URB1: variants seen among roughly 807,000 people sequenced by gnomAD.
URB1 encodes the protein URB1 ribosome biogenesis factor.
Under a neutral mutation model 242.3 loss-of-function variants are expected in URB1, and 197 were observed. That is an observed-to-expected ratio of 0.81 (90% CI 0.72 to 0.91). URB1 has a LOEUF of 0.91. Among genes scored for constraint, URB1 ranks in the 40% least tolerant of loss-of-function variants. The probability of loss-of-function intolerance (pLI) is 0.00; values close to 1 mark genes in which losing one functional copy is unlikely to be tolerated. For missense variants in URB1, 2,721 were observed against 2,860.5 expected, an observed-to-expected ratio of 0.95 and a Z score of 1.11; for synonymous variants, 1,153 against 1,201.8, an observed-to-expected ratio of 0.96 and a Z score of 0.84.
In URB1 at chr21:32,316,488, A is replaced by G; in HGVS notation, c.6612T>C (p.Ser2204=). Reference sequence around the variant, plus strand: ...TACCTTGTGTGGCTTCATCCTTCTCACTCAGAGAAGACAGGGAGAGGGCTT... The same window carrying G: ...TACCTTGTGTGGCTTCATCCTTCTCGCTCAGAGAAGACAGGGAGAGGGCTT... ...AMEALSLSSL[S]EKDEATQASA... is the part of the protein sequence containing the mutation. Residue 2204 remains serine (S), a synonymous_variant, in exon 38 of 39, where the codon AGT becomes AGC. Coordinates refer to ENST00000382751, the MANE Select transcript of URB1 (RefSeq NM_014825.3). 1 of 1,533,984 alleles carries G rather than the reference A, an allele frequency of 6.5e-7. No homozygotes were observed. The highest frequency in any genetic ancestry group is 8.8e-7 in the Non-Finnish European group (1 of 1,139,540).
chr21:32,346,495 T>C (rs1036851819), intron 22 of URB1, among the ~76,000 whole-genome samples: 15 of 152,136 alleles, frequency 9.9e-5, no homozygotes, highest in South Asian at 4.1e-4. Flanking sequence ...TTTGGGGTAA[T>C]TGAAAAGTGC....
intron 4 of URB1, among the ~76,000 whole-genome samples, chr21:32,382,703 G>A (rs1601158797): frequency 2.0e-5 from 3 of 152,208 alleles, no homozygotes; most frequent in East Asian, 1.9e-4. Context: ...TCCAGCAGGG[G>A]AGCTGATATG....
Position 32,312,494 on chromosome 21 carries a change from T to C in URB1, c.*2424A>G. 1 of 245,586 alleles carries C rather than the reference T, an allele frequency of 4.1e-6. No homozygotes were observed. The highest frequency in any genetic ancestry group is 7.4e-6 in the Non-Finnish European group (1 of 134,290). The allele number at this position is 245,586 out of a possible 1,614,324, so 15.2% of individuals were successfully genotyped here. On this transcript the variant is annotated 3_prime_UTR_variant, in exon 39 of 39. Coordinates refer to ENST00000382751, the MANE Select transcript of URB1 (RefSeq NM_014825.3). ...CTCACTGCAGTCTGGGGACCTGAGT[T>C]GCACCTTCAACCTCCCCACAGCCTT... is the stretch of plus-strand genomic sequence containing the variant.
chr21:32,336,573 G>A (rs2032962115), intron 28 of URB1, among the ~76,000 whole-genome samples: 1 of 152,168 alleles, frequency 6.6e-6, no homozygotes, highest in African/African-American at 2.4e-5. Context: ...ACTCAGCCCT[G>A]CAGGACCAAA....
rs1211102952 is a variant in URB1, at chr21:32,313,698, T to C, written c.*1220A>G. Reference sequence around the variant, plus strand: ...AAACCAAGGCATTGTCAGCACGATGTACATTATACGGCAGATAAAACAGCC... The same window carrying C: ...AAACCAAGGCATTGTCAGCACGATGCACATTATACGGCAGATAAAACAGCC... On this transcript the variant is annotated 3_prime_UTR_variant, in exon 39 of 39. Coordinates refer to ENST00000382751, the MANE Select transcript of URB1 (RefSeq NM_014825.3). 6.6e-6 allele frequency: 1 copy of C among 152,208 alleles called. No homozygotes were observed. The highest frequency in any genetic ancestry group is 1.5e-5 in the Non-Finnish European group (1 of 68,056). The allele number at this position is 152,208 out of a possible 1,614,324, so 9.4% of individuals were successfully genotyped here.
chr21:32,332,982 T>G (rs1159485014), intron 30 of URB1: 5 of 317,314 alleles, frequency 1.6e-5, no homozygotes, highest in Non-Finnish European at 3.0e-5. Context: ...TTATCAGGAC[T>G]AAAATCTCTC....
intron 1 of URB1, among the ~76,000 whole-genome samples, chr21:32,392,329 GTCA>G (rs1330300588): frequency 2.6e-5 from 4 of 152,160 alleles, no homozygotes; most frequent in African/African-American, 4.8e-5. Context: ...CTTGTTACAA[GTCA>G]TCAAGTCAGT....
intron 10 of URB1, among the ~76,000 whole-genome samples, chr21:32,365,321 C>T (rs542650407): frequency 3.9e-5 from 6 of 151,952 alleles, no homozygotes; most frequent in South Asian, 2.1e-4. Context: ...TGTGGTGGTG[C>T]GCACCTGTAG....
chr21:32,327,008 TA>T (rs1471081199), intron 30 of URB1, among the ~76,000 whole-genome samples: 2 of 152,052 alleles, frequency 1.3e-5, no homozygotes, highest in Non-Finnish European at 2.9e-5. Context: ...GTATGTGTAA[TA>T]GGGGGTCCCT....
rs1028227925 is a variant in URB1, at chr21:32,363,251, G to T, written c.1414C>A (p.His472Asn). The T allele has an allele frequency of 6.4e-7, 1 of 1,551,998 alleles. No individual in the cohort carries two copies. Among genetic ancestry groups the T allele is most frequent in the Non-Finnish European group, 8.7e-7 (1 of 1,147,080 alleles). Residue 472 changes from histidine to asparagine, a missense_variant, in exon 11 of 39, where the codon CAC (histidine) becomes AAC (asparagine). Transcript: ENST00000382751. ...ILKRALKTVD[H>N]CLNKEVWQES... ...TGCCACACCTCTTTATTCAGGCAGT[G>T]GTCAACAGTTTTTAATGCCCTCTTC...
chr21:32,365,294 TAAG>T lies in URB1; in HGVS notation c.1335+1321_1335+1323del. 2.6e-5 allele frequency among the ~76,000 whole-genome samples: 4 copies of T among 151,782 alleles called. No individual in the cohort carries two copies. The South Asian group carries it at 8.4e-4, about 32-fold the overall frequency. On this transcript the variant is annotated intron_variant, in intron 10 of 38. Transcript: ENST00000382751. ...ACACTGTCTATACAAAAAATAAAAA[TAAG>T]AAAATTAGCTGGGTGTGGTGGTGCG...
At chr21:32,372,689 G>A in intron 7 of URB1, 58 bp from the exon 8 acceptor site, 1 of 1,492,690 alleles carries the variant, frequency 6.7e-7, no homozygotes. Context: ...TTTAGTAAGA[G>A]CTAGAGTAAA....
intron 1 of URB1, among the ~76,000 whole-genome samples, 196 bp from the exon 2 acceptor site, chr21:32,385,880 G>A (rs927364931): frequency 1.1e-4 from 16 of 152,100 alleles, no homozygotes; most frequent in African/African-American, 3.9e-4. Flanking sequence ...GGCCGGGCGC[G>A]GTGGCTCACG....
At position 32,365,748 on chromosome 21, in the gene URB1, C is replaced by T. The variant is rs115082781; in HGVS notation, c.1335+870G>A. ...AGGGGTATCAAAAAATGGTGAATCT[C>T]ACCATGTGGTCTCAGGAGTCCACCC... On this transcript the variant is annotated intron_variant, in intron 10 of 38. Coordinates refer to ENST00000382751, the MANE Select transcript of URB1 (RefSeq NM_014825.3). 7.4e-3 allele frequency among the ~76,000 whole-genome samples: 1,134 copies of T among 152,336 alleles called. 19 individuals carry two copies. Among genetic ancestry groups the T allele is most frequent in the African/African-American group, 0.025 (1,045 of 41,570 alleles).
Position 32,392,793 on chromosome 21 carries a change from T to C in URB1, c.118A>G (p.Lys40Glu). 6.7e-7 allele frequency: 1 copy of C among 1,502,664 alleles called. No homozygotes were observed. The highest frequency in any genetic ancestry group is 8.9e-7 in the Non-Finnish European group (1 of 1,127,192). The allele number at this position is 1,502,664 out of a possible 1,614,324, so 93.1% of individuals were successfully genotyped here. Reference protein sequence around the residue: ...LTGVRFKAQLKDPQGPGPGLE... With the variant: ...LTGVRFKAQLEDPQGPGPGLE... Reference sequence around the variant, plus strand: ...CCTGGCCCGGGGCCCTGCGGGTCCTTCAGCTGAGCCTTGAACCGCACGCCC... The same window carrying C: ...CCTGGCCCGGGGCCCTGCGGGTCCTCCAGCTGAGCCTTGAACCGCACGCCC... The change falls in exon 1 of 39, where the codon AAG (lysine) becomes GAG (glutamate). Residue 40 changes from lysine to glutamate, a missense_variant. By Grantham distance (56) the Lys-to-Glu change is moderately conservative (BLOSUM62 1). Coordinates refer to ENST00000382751, the MANE Select transcript of URB1 (RefSeq NM_014825.3).
chr21:32,386,717 C>T (rs1300024030), intron 1 of URB1, among the ~76,000 whole-genome samples: 1 of 152,118 alleles, frequency 6.6e-6, no homozygotes, highest in African/African-American at 2.4e-5. Flanking sequence ...GAAACATTAC[C>T]AAGAGCTTTA....
At chr21:32,361,212 T>G in intron 12 of URB1, 89 bp from the exon 13 acceptor site, 1 of 315,726 alleles carries the variant, frequency 3.2e-6, no homozygotes, top group Non-Finnish European at 4.7e-6. Context: ...AGAAAATAGC[T>G]TGAATTAGAA....
chr21:32,352,473 C>T (rs141909122), intron 19 of URB1, among the ~76,000 whole-genome samples: 36 of 152,332 alleles, frequency 2.4e-4, no homozygotes, highest in Non-Finnish European at 4.1e-4. Flanking sequence ...TTATCATTAT[C>T]AGGGAGCCAA....
At position 32,338,915 on chromosome 21, in the gene URB1, T is replaced by TCCCTTTAG; in HGVS notation, c.4317-16_4317-15insCTAAAGGG. 1 of 1,521,008 alleles carries TCCCTTTAG rather than the reference T, an allele frequency of 6.6e-7. No homozygotes were observed. The highest frequency in any genetic ancestry group is 2.1e-5 in the Admixed American group (1 of 47,472). The allele number at this position is 1,521,008 out of a possible 1,614,324, so 94.2% of individuals were successfully genotyped here. On this transcript the variant is annotated splice_polypyrimidine_tract_variant and intron_variant, in intron 25 of 38. Coordinates refer to ENST00000382751, the MANE Select transcript of URB1 (RefSeq NM_014825.3). ...GGTACCGAAATCTAGGCGGCGAGAGTCAAAGGGAAAAGAGCTTTGCTAAAA... is the reference window on the plus strand; with the variant it reads ...GGTACCGAAATCTAGGCGGCGAGAGTCCCTTTAGCAAAGGGAAAAGAGCTTTGCTAAAA...
Sources: gnomAD v4.1 joint callset for allele counts (sites outside exome capture counted in the v4.1 genomes callset) on GRCh38, gnomAD v4.1.1 for gene constraint, MANE v1.5 for transcripts, NCBI Gene and HGNC (gene_info 2026-07-23, HGNC 2026-07-21) for gene names.